The following POU2F1 variants were observed in gnomAD, a reference collection of about 807,000 sequenced individuals.
POU2F1 encodes the protein POU domain, class 2, transcription factor 1.
Under a neutral mutation model 84.9 loss-of-function variants are expected in POU2F1, and 16 were observed. That is an observed-to-expected ratio of 0.19 (90% CI 0.13 to 0.29). The LOEUF (loss-of-function observed/expected upper bound fraction) is 0.29, where lower values mean the gene tolerates loss of function less well. Among genes scored for constraint, POU2F1 ranks in the 10% least tolerant of loss-of-function variants. The pLI is 1.00. For missense variants in POU2F1, 738 were observed against 942.6 expected (o/e 0.78, Z 2.84); for synonymous variants, 368 against 368.3 (o/e 1.00, Z 0.01).
intron 1 of POU2F1, among the ~76,000 whole-genome samples, chr1:167,284,500 A>G (rs1330602089): frequency 6.6e-6 from 1 of 152,204 alleles, no homozygotes; most frequent in Non-Finnish European, 1.5e-5. Context: ...AATGATCAAG[A>G]CTTAAAATCT....
At chr1:167,224,010 A>G (rs758325282) in intron 1 of POU2F1, among the ~76,000 whole-genome samples, 1 of 152,198 alleles carries the variant, frequency 6.6e-6, no homozygotes, top group Non-Finnish European at 1.5e-5. Context: ...TATAGCTGCA[A>G]TTTAATCACT....
intron 2 of POU2F1, among the ~76,000 whole-genome samples, chr1:167,355,406 T>C (rs1658870729): frequency 6.6e-6 from 1 of 152,154 alleles, no homozygotes; most frequent in South Asian, 2.1e-4. Context: ...CTGCCTCAAT[T>C]ATTATTGCTC....
intron 2 of POU2F1, among the ~76,000 whole-genome samples, chr1:167,342,094 T>A (rs537303233): frequency 4.7e-4 from 71 of 152,124 alleles, no homozygotes; most frequent in Non-Finnish European, 8.7e-4. Flanking sequence ...TAGTGGGGTA[T>A]GGCAGGCCAA....
intron 1 of POU2F1, among the ~76,000 whole-genome samples, chr1:167,268,623 C>CA (rs1432876848): frequency 6.6e-6 from 1 of 152,252 alleles, no homozygotes; most frequent in Non-Finnish European, 1.5e-5. Flanking sequence ...CTCATTACCT[C>CA]ACGTTTTCCT....
At chr1:167,317,370 G>A (rs1465895000) in intron 1 of POU2F1, among the ~76,000 whole-genome samples, 1 of 151,984 alleles carries the variant, frequency 6.6e-6, no homozygotes, top group Non-Finnish European at 1.5e-5. Flanking sequence ...TGTCCTTGTC[G>A]AGACCAGCTC....
intron 13 of POU2F1, among the ~76,000 whole-genome samples, chr1:167,408,188 C>T (rs1649714257): frequency 6.6e-6 from 1 of 152,132 alleles, no homozygotes; most frequent in Admixed American, 6.5e-5. Flanking sequence ...TGAGATACTA[C>T]TTTGTACTCA....
chr1:167,351,166 G>A (rs1403142677), intron 2 of POU2F1, among the ~76,000 whole-genome samples: 1 of 151,740 alleles, frequency 6.6e-6, no homozygotes, highest in Admixed American at 6.6e-5. Flanking sequence ...CAGCCTGGCC[G>A]ACATGGTGAA....
At position 167,412,060 on chromosome 1, in the gene POU2F1, G is replaced by T; in HGVS notation, c.1657G>T (p.Ala553Ser). 1 of 1,614,078 alleles carries T rather than the reference G, an allele frequency of 6.2e-7. No individual in the cohort carries two copies. Among genetic ancestry groups the T allele is most frequent in the South Asian group, 1.1e-5 (1 of 91,074 alleles). ...CCCCTCTCTGAGTCCCTCCCCTTCT[G>T]CCTCAGCCTCCACCTCCGAGGCATC... ...TSPSLSPSPS[A>S]SASTSEASSA... The change falls in exon 14 of 16, where the codon GCC (alanine) becomes TCC (serine). Residue 553 changes from alanine to serine, a missense_variant. Ala to Ser is a moderately conservative substitution (Grantham distance 99). Coordinates refer to ENST00000367866, the MANE Select transcript of POU2F1 (RefSeq NM_002697.4).
At chr1:167,332,704 TACTTA>T (rs1342027558) in intron 2 of POU2F1, among the ~76,000 whole-genome samples, 169 bp downstream of exon 2, 2 of 152,228 alleles carry the variant, frequency 1.3e-5, no homozygotes, top group African/African-American at 2.4e-5. Flanking sequence ...TGTTTAAGAT[TACTTA>T]ACTTTCTTCT....
chr1:167,398,115 A>G lies in POU2F1; in HGVS notation c.1251A>G (p.Leu417=), dbSNP rs923771541. The change falls in exon 11 of 16, where the codon TTA becomes TTG. Residue 417 remains leucine (L), a synonymous_variant. Transcript: ENST00000367866. ...TAGAGACCAACATCCGTGTGGCCTT[A>G]GAGAAGAGTTTCTTGGAGGTCAGTG... The part of the protein sequence containing the change: ...TSIETNIRVA[L]EKSFLENQKP... 1 of 1,614,080 alleles carries G rather than the reference A, an allele frequency of 6.2e-7. No homozygotes were observed. Among genetic ancestry groups the G allele is most frequent in the Non-Finnish European group, 8.5e-7 (1 of 1,179,980 alleles).
chr1:167,318,026 A>G lies in POU2F1; in HGVS notation c.62-14444A>G, dbSNP rs116845233. On this transcript the variant is annotated intron_variant, in intron 1 of 15. Transcript: ENST00000367866. The stretch of plus-strand genomic sequence containing the variant: ...AGTTTTTATCCATTTTAATGGGTTA[A>G]TAGCTGCTAATCATTTGCAGCTCCT... 9.0e-4 allele frequency among the ~76,000 whole-genome samples: 137 copies of G among 152,338 alleles called. 2 individuals are homozygous for G. The East Asian group carries it at 0.018, about 20-fold the overall frequency.
At chr1:167,365,362 A>G (rs544272520) in intron 2 of POU2F1, 105 bp from the exon 3 acceptor site, 2 of 740,568 alleles carry the variant, frequency 2.7e-6, no homozygotes, top group Admixed American at 7.4e-5. Flanking sequence ...TACTTAGAAA[A>G]GTACTTATGC....
At chr1:167,410,807 C>A (rs973292003) in intron 13 of POU2F1, among the ~76,000 whole-genome samples, 6 of 152,026 alleles carry the variant, frequency 3.9e-5, no homozygotes, top group Non-Finnish European at 7.4e-5. Flanking sequence ...TGAGCCACCA[C>A]ACCTGGCCTT....
chr1:167,256,745 G>C (rs1651172112), intron 1 of POU2F1, among the ~76,000 whole-genome samples: 3 of 152,106 alleles, frequency 2.0e-5, no homozygotes. Flanking sequence ...TTTTCCCCTT[G>C]GTGGTTGTAT....
intron 1 of POU2F1, among the ~76,000 whole-genome samples, chr1:167,237,207 G>A (rs1557836027): frequency 6.6e-6 from 1 of 152,232 alleles, no homozygotes; most frequent in Non-Finnish European, 1.5e-5. Flanking sequence ...AAAGATGACA[G>A]TGACCTTGAA....
chr1:167,391,029 A>G (rs966502006), intron 9 of POU2F1, among the ~76,000 whole-genome samples: 3 of 152,206 alleles, frequency 2.0e-5, no homozygotes, highest in Non-Finnish European at 4.4e-5. Flanking sequence ...TTAATGGTTT[A>G]AACAGTTGTC....
In POU2F1 at chr1:167,374,818, A is replaced by G. The variant is rs1312062357; in HGVS notation, c.591+522A>G. On this transcript the variant is annotated intron_variant, in intron 6 of 15. Coordinates refer to ENST00000367866, the MANE Select transcript of POU2F1 (RefSeq NM_002697.4). Reference sequence around the variant, plus strand: ...CGCGGTGGCTCACGCCTGTAATCCCAGCACTTTGGGAGGCCGAGGCGGGCG... The same window carrying G: ...CGCGGTGGCTCACGCCTGTAATCCCGGCACTTTGGGAGGCCGAGGCGGGCG... 2.0e-5 allele frequency among the ~76,000 whole-genome samples: 3 copies of G among 152,372 alleles called. No homozygotes were observed. The East Asian group carries it at 5.8e-4, about 29-fold the overall frequency.
Position 167,399,211 on chromosome 1 carries a change from T to C in POU2F1, c.1295T>C (p.Ile432Thr). The C allele has an allele frequency of 6.2e-7, 1 of 1,612,818 alleles. No homozygotes were observed. The highest frequency in any genetic ancestry group is 8.5e-7 in the Non-Finnish European group (1 of 1,179,472). ...LENQKPTSEE[I>T]TMIADQLNME... is the part of the protein sequence containing the mutation. ...AATCAAAAGCCTACCTCGGAAGAGATCACTATGATTGCTGATCAGCTCAAT... is the reference window on the plus strand; with the variant it reads ...AATCAAAAGCCTACCTCGGAAGAGACCACTATGATTGCTGATCAGCTCAAT... Residue 432 changes from isoleucine (I) to threonine (T), a missense_variant, in exon 12 of 16, where the codon ATC becomes ACC. Ile to Thr is a moderately conservative substitution (Grantham distance 89, BLOSUM62 -1). Transcript: ENST00000367866.
At position 167,416,086 on chromosome 1, in the gene POU2F1, TTAA is replaced by T. The variant is rs2101954687; in HGVS notation, c.*277_*279del. ...GATTGGAGAACTTTCTAACCAAAAA[TTAA>T]AAAAAAAAAAAAAAAAAGAAACAAA... On this transcript the variant is annotated 3_prime_UTR_variant, in exon 16 of 16. Transcript: ENST00000367866. The T allele has an allele frequency of 4.8e-6, 1 of 209,768 alleles. No individual in the cohort carries two copies. Among genetic ancestry groups the T allele is most frequent in the Non-Finnish European group, 8.2e-6 (1 of 121,618 alleles). The allele number at this position is 209,768 out of a possible 1,614,324, so 13.0% of individuals were successfully genotyped here. A position where few individuals can be genotyped will look rare whatever the true frequency, so the allele number is the denominator to read the frequency against.
Sources: gnomAD v4.1 joint callset for allele counts (sites outside exome capture counted in the v4.1 genomes callset) on GRCh38, gnomAD v4.1.1 for gene constraint, MANE v1.5 for transcripts, NCBI Gene and HGNC (gene_info 2026-07-23, HGNC 2026-07-21) for gene names.